Variants in NEGR1 observed in about 807,000 individuals in gnomAD.
NEGR1 encodes neuronal growth regulator 1.
NEGR1 carries 10 observed loss-of-function variants against 40.9 expected under a neutral mutation model. The observed-to-expected ratio is 0.24, with a 90% confidence interval of 0.15 to 0.42. The LOEUF is 0.42. Among genes scored for constraint, NEGR1 ranks in the 10% least tolerant of loss-of-function variants. The pLI is 1.00. For missense variants in NEGR1, 352 were observed against 438.9 expected (o/e 0.80, Z 1.77); for synonymous variants, 185 against 166.8 (o/e 1.11, Z -0.84).
chr1:71,548,767 T>C (rs1647982986), intron 6 of NEGR1, among the ~76,000 whole-genome samples: 1 of 151,686 alleles, frequency 6.6e-6, no homozygotes, highest in Admixed American at 6.6e-5. Flanking sequence ...TTAAGAGCCC[T>C]GGGGTAGAGC....
At chr1:71,480,124 A>G in intron 6 of NEGR1, among the ~76,000 whole-genome samples, 1 of 151,946 alleles carries the variant, frequency 6.6e-6, no homozygotes, top group East Asian at 1.9e-4. Context: ...ATATTTCTCT[A>G]ACTCCTGATA....
At chr1:71,674,586 GCA>G (rs3220087) in intron 4 of NEGR1, among the ~76,000 whole-genome samples, 47,940 of 146,668 alleles carry the variant, frequency 0.33, 7,793 homozygotes, top group East Asian at 0.55. Flanking sequence ...TGCTGGGAGG[GCA>G]CACACACACA....
intron 3 of NEGR1, among the ~76,000 whole-genome samples, chr1:71,764,409 T>C (rs1421615615): frequency 1.3e-5 from 2 of 152,240 alleles, no homozygotes; most frequent in Non-Finnish European, 2.9e-5. Context: ...TTAATAGACA[T>C]TCTCTCTTTA....
intron 1 of NEGR1, among the ~76,000 whole-genome samples, chr1:72,027,982 T>C (rs1646826514): frequency 6.6e-6 from 1 of 152,232 alleles, no homozygotes; most frequent in Non-Finnish European, 1.5e-5. Context: ...CATCAACACC[T>C]GTACTTACAA....
chr1:72,173,591 T>A (rs567863099), intron 1 of NEGR1, among the ~76,000 whole-genome samples: 2 of 151,990 alleles, frequency 1.3e-5, no homozygotes, highest in South Asian at 2.1e-4. Flanking sequence ...TGATTACACA[T>A]CTCCTTACAT....
intron 1 of NEGR1, among the ~76,000 whole-genome samples, chr1:72,226,350 G>C (rs1347791285): frequency 6.6e-6 from 1 of 151,878 alleles, no homozygotes; most frequent in Non-Finnish European, 1.5e-5. Context: ...TTATTCAAAA[G>C]TTACGTTTTA....
chr1:71,704,374 A>T (rs1327444260), intron 3 of NEGR1, among the ~76,000 whole-genome samples: 2 of 152,054 alleles, frequency 1.3e-5, no homozygotes, highest in Non-Finnish European at 2.9e-5. Context: ...TCTTTAAAAG[A>T]TCACTAAAAT....
At chr1:72,150,913 G>T (rs1651102049) in intron 1 of NEGR1, among the ~76,000 whole-genome samples, 1 of 151,764 alleles carries the variant, frequency 6.6e-6, no homozygotes, top group South Asian at 2.1e-4. Flanking sequence ...GACTCATCTT[G>T]CCTTTTGCTT....
chr1:71,977,680 G>A (rs1467760272), intron 1 of NEGR1, among the ~76,000 whole-genome samples: 2 of 148,830 alleles, frequency 1.3e-5, no homozygotes, highest in South Asian at 4.3e-4. Context: ...TACTTTTACT[G>A]TCTTGTCATT....
chr1:72,084,753 G>A lies in NEGR1; in HGVS notation c.177-149442C>T, dbSNP rs558676695. 3.9e-5 allele frequency among the ~76,000 whole-genome samples: 6 copies of A among 152,166 alleles called. No homozygotes were observed. The South Asian group carries it at 1.2e-3, about 32-fold the overall frequency. ...AGAAAATTTTCTAAATTAGTGACCAGGAAATAACACCTACCTTCAGAGAAA... is the reference window on the plus strand; with the variant it reads ...AGAAAATTTTCTAAATTAGTGACCAAGAAATAACACCTACCTTCAGAGAAA... On this transcript the variant is annotated intron_variant, in intron 1 of 6. Transcript: ENST00000357731.
chr1:71,401,428 G>GA lies in NEGR1; in HGVS notation c.*6017dup, dbSNP rs1237643700. The GA allele has an allele frequency of 6.6e-6, 1 of 152,162 alleles. No individual in the cohort carries two copies. The highest frequency in any genetic ancestry group is 1.5e-5 in the Non-Finnish European group (1 of 68,010). The allele number at this position is 152,162 out of a possible 1,614,324, so 9.4% of individuals were successfully genotyped here. On this transcript the variant is annotated 3_prime_UTR_variant, in exon 7 of 7. Coordinates refer to ENST00000357731, the MANE Select transcript of NEGR1 (RefSeq NM_173808.3). The stretch of plus-strand genomic sequence containing the variant: ...TAATTTATTCATTTCATAAGTGTAT[G>GA]AAAATCACACTTTTTATGTTTTTCA...
intron 4 of NEGR1, among the ~76,000 whole-genome samples, chr1:71,611,603 G>A (rs1295050428): frequency 6.6e-6 from 1 of 152,314 alleles, no homozygotes; most frequent in South Asian, 2.1e-4. Flanking sequence ...CAAGTTCAGA[G>A]ATGTTAAATG....
intron 2 of NEGR1, among the ~76,000 whole-genome samples, chr1:71,836,612 C>G (rs563745937): frequency 1.3e-5 from 2 of 151,642 alleles, no homozygotes; most frequent in East Asian, 3.9e-4. Flanking sequence ...AATTGGGACT[C>G]CGGCGATTTC....
chr1:71,487,214 T>A (rs573236709), intron 6 of NEGR1: 2 of 151,812 alleles, frequency 1.3e-5, no homozygotes, highest in Admixed American at 6.6e-5. Context: ...TCAGGAGTTC[T>A]TGCTGAAATA....
intron 6 of NEGR1, among the ~76,000 whole-genome samples, chr1:71,558,127 G>A (rs1295571822): frequency 6.6e-6 from 1 of 151,410 alleles, no homozygotes; most frequent in African/African-American, 2.4e-5. Context: ...TAATAATTTG[G>A]TTAAGCTGTT....
At chr1:72,161,286 T>A (rs1368075582) in intron 1 of NEGR1, among the ~76,000 whole-genome samples, 1 of 152,126 alleles carries the variant, frequency 6.6e-6, no homozygotes, top group African/African-American at 2.4e-5. Context: ...ATATCCTTTG[T>A]AGAAGTGTGC....
At chr1:71,565,520 C>T (rs1005647756) in intron 6 of NEGR1, among the ~76,000 whole-genome samples, 3 of 152,102 alleles carry the variant, frequency 2.0e-5, no homozygotes, top group African/African-American at 4.8e-5. Context: ...CTGCAGAGCA[C>T]ATTTCCTCAT....
At chr1:71,888,375 C>G (rs1354541747) in intron 2 of NEGR1, among the ~76,000 whole-genome samples, 1 of 152,136 alleles carries the variant, frequency 6.6e-6, no homozygotes, top group Non-Finnish European at 1.5e-5. Context: ...GTGCGCGAGC[C>G]TAAGCAGGGC....
At chr1:71,462,762 T>A (rs568907661) in intron 6 of NEGR1, among the ~76,000 whole-genome samples, 2 of 152,316 alleles carry the variant, frequency 1.3e-5, no homozygotes, top group Non-Finnish European at 2.9e-5. Context: ...CATGTTTTGG[T>A]ACCAAATTTC....
Sources: gnomAD v4.1 joint callset for allele counts (sites outside exome capture counted in the v4.1 genomes callset) on GRCh38, gnomAD v4.1.1 for gene constraint, MANE v1.5 for transcripts, NCBI Gene and HGNC (gene_info 2026-07-23, HGNC 2026-07-21) for gene names.